Variants in POLRMT observed in about 807,000 individuals in gnomAD.
POLRMT encodes DNA-directed RNA polymerase, mitochondrial.
In POLRMT, 114 loss-of-function variants were observed where a neutral mutation model predicts 132.2. The observed-to-expected ratio is 0.86, with a 90% CI of 0.74 to 1.01. The LOEUF (loss-of-function observed/expected upper bound fraction) is 1.01. Ranked by LOEUF, POLRMT falls within the 50% of genes least tolerant of loss-of-function variation. POLRMT has a pLI of 0.00. For missense variants in POLRMT, 2,003 were observed against 1,729.1 expected, an observed-to-expected ratio of 1.16 and a Z score of -2.81; for synonymous variants, 1,020 against 773.4, an observed-to-expected ratio of 1.32 and a Z score of -5.29.
intron 6 of POLRMT, among the ~76,000 whole-genome samples, chr19:623,187 G>A (rs988814555): frequency 6.6e-6 from 1 of 152,250 alleles, no homozygotes; most frequent in African/African-American, 2.4e-5. Flanking sequence ...CCCAGCTGCA[G>A]TGTGCGCAGA....
At chr19:625,095 G>C (rs764658786) in intron 4 of POLRMT, 29 bp downstream of exon 4, 2 of 1,603,324 alleles carry the variant, frequency 1.2e-6, no homozygotes, top group Non-Finnish European at 8.5e-7. Context: ...GACATGGTGG[G>C]GGGTGGGGGC....
chr19:618,178 G>A (rs62132650), intron 17 of POLRMT: 40,938 of 545,570 alleles, frequency 0.075, 1,814 homozygotes, highest in Non-Finnish European at 0.091. Context: ...TCCCGTGGCC[G>A]GTAGATTCTG....
At position 633,503 on chromosome 19, in the gene POLRMT, G is replaced by C. The variant is rs748400574; in HGVS notation, c.10C>G (p.Leu4Val). Residue 4 changes from leucine (L) to valine (V), a missense_variant, in exon 1 of 21, where the codon CTT becomes GTT. By Grantham distance (32) the Leu-to-Val change is conservative (BLOSUM62 1). Transcript: ENST00000588649. The stretch of plus-strand genomic sequence containing the variant: ...CCCGCCGCTCCGCGGCCCCAGCAAA[G>C]TGCCGACATTACGCACGCCGCTCCA... The part of the protein sequence containing the change: MSA[L>V]CWGRGAAGLK... The C allele has an allele frequency of 8.0e-6, 12 of 1,495,122 alleles. No homozygotes were observed. Among genetic ancestry groups the C allele is most frequent in the Non-Finnish European group, 1.1e-5 (12 of 1,111,764 alleles). The allele number at this position is 1,495,122 out of a possible 1,614,324, so 92.6% of individuals were successfully genotyped here.
chr19:633,196 A>G, intron 1 of POLRMT: 1 of 594,586 alleles, frequency 1.7e-6, no homozygotes, highest in Non-Finnish European at 2.7e-6. Flanking sequence ...CCTAAACACC[A>G]CACCTGGGGT....
Position 620,094 on chromosome 19 carries a change from GGCAAACGGGAGATGGAA to G in POLRMT, c.2764-31_2764-15del. On this transcript the variant is annotated splice_polypyrimidine_tract_variant and intron_variant, in intron 11 of 20. Transcript: ENST00000588649. Reference sequence around the variant, plus strand: ...GCAAGAGCCGTCCTGAGGAAGGGGCGGCAAACGGGAGATGGAAGCTAGAGAGGCAGAGACGTGTGGGA... The same window carrying G: ...GCAAGAGCCGTCCTGAGGAAGGGGCGGCTAGAGAGGCAGAGACGTGTGGGA... 6.5e-7 allele frequency: 1 copy of G among 1,536,644 alleles called. No homozygotes were observed. The highest frequency in any genetic ancestry group is 8.7e-7 in the Non-Finnish European group (1 of 1,145,916).
At position 621,116 on chromosome 19, in the gene POLRMT, A is replaced by C. The variant is rs1984541281; in HGVS notation, c.2582T>G (p.Leu861Arg). The C allele has an allele frequency of 6.2e-7, 1 of 1,610,054 alleles. No individual in the cohort carries two copies. Among genetic ancestry groups the C allele is most frequent in the Non-Finnish European group, 8.5e-7 (1 of 1,178,612 alleles). ...ATCCATCACCTCCTCCGCAAAGGCCAGGCGCTTCCGCAGCGGCTCCCGCTT... is the reference window on the plus strand; with the variant it reads ...ATCCATCACCTCCTCCGCAAAGGCCCGGCGCTTCCGCAGCGGCTCCCGCTT... ...LKKREPLRKR[L>R]AFAEEVMDDI... The change falls in exon 10 of 21, where the codon CTG (leucine) becomes CGG (arginine). Residue 861 changes from leucine (L) to arginine (R), a missense_variant. Leu to Arg is a moderately radical substitution (Grantham distance 102, BLOSUM62 -2). Transcript: ENST00000588649.
intron 4 of POLRMT, 93 bp downstream of exon 4, chr19:625,031 G>A: frequency 6.6e-7 from 1 of 1,523,648 alleles, no homozygotes; most frequent in Non-Finnish European, 8.8e-7. Flanking sequence ...AGGCCCTCTG[G>A]GGGTCCCCAG....
chr19:631,767 G>A (rs1985436848), intron 2 of POLRMT, among the ~76,000 whole-genome samples: 1 of 152,136 alleles, frequency 6.6e-6, no homozygotes, highest in South Asian at 2.1e-4. Flanking sequence ...TTTTGAGATG[G>A]AATTTCCCTC....
chr19:632,451 C>G (rs946447198), intron 2 of POLRMT, among the ~76,000 whole-genome samples: 1 of 152,106 alleles, frequency 6.6e-6, no homozygotes, highest in Non-Finnish European at 1.5e-5. Context: ...CCATTAGGCG[C>G]CTACCCCCCA....
Position 633,515 on chromosome 19 carries a change from C to G in POLRMT, c.-3G>C. Reference sequence around the variant, plus strand: ...CGGCCCCAGCAAAGTGCCGACATTACGCACGCCGCTCCAGGCCACCCCACC... The same window carrying G: ...CGGCCCCAGCAAAGTGCCGACATTAGGCACGCCGCTCCAGGCCACCCCACC... On this transcript the variant is annotated 5_prime_UTR_variant, in exon 1 of 21. Coordinates refer to ENST00000588649, the MANE Select transcript of POLRMT (RefSeq NM_005035.4). 1.1e-6 allele frequency: 1 copy of G among 895,464 alleles called. No homozygotes were observed. Among genetic ancestry groups the G allele is most frequent in the Admixed American group, 2.1e-5 (1 of 47,538 alleles). 55.5% of individuals were successfully genotyped at this position (895,464 alleles called of 1,614,324 possible).
chr19:624,623 G>C (rs563606092), intron 5 of POLRMT, 96 bp downstream of exon 5: 2 of 1,376,550 alleles, frequency 1.5e-6, no homozygotes, highest in African/African-American at 1.5e-5. Context: ...GTGAGCCCTG[G>C]GCACCGGGGA....
At position 621,437 on chromosome 19, in the gene POLRMT, C is replaced by T. The variant is rs745790013; in HGVS notation, c.2261G>A (p.Arg754His). Reference protein sequence around the residue: ...AHLPHSAAPARKAELRRELAH... With the variant: ...AHLPHSAAPAHKAELRRELAH... Reference sequence around the variant, plus strand: ...CAGCTCACGGCGCAGCTCGGCCTTGCGGGCGGGCGCGGCGCTGTGCGGCAG... The same window carrying T: ...CAGCTCACGGCGCAGCTCGGCCTTGTGGGCGGGCGCGGCGCTGTGCGGCAG... The change falls in exon 10 of 21, where the codon CGC becomes CAC. Residue 754 changes from arginine (R) to histidine (H), a missense_variant. Physicochemically the swap from Arg to His is conservative, Grantham distance 29. Transcript: ENST00000588649. 2.2e-5 allele frequency: 32 copies of T among 1,445,522 alleles called. No homozygotes were observed. Among genetic ancestry groups the T allele is most frequent in the Non-Finnish European group, 2.7e-5 (30 of 1,104,212 alleles). The allele number at this position is 1,445,522 out of a possible 1,614,324, so 89.5% of individuals were successfully genotyped here. A position where few individuals can be genotyped will look rare whatever the true frequency, so the allele number is the denominator to read the frequency against.
Position 622,562 on chromosome 19 carries a change from A to C in POLRMT, c.1626+20T>G, listed in dbSNP as rs1158082660. ...CCCACCACTGGCCCCAGCCAGGAGGAGAGGGGGTGCGAGCCTCACCTCGGC... is the reference window on the plus strand; with the variant it reads ...CCCACCACTGGCCCCAGCCAGGAGGCGAGGGGGTGCGAGCCTCACCTCGGC... On this transcript the variant is annotated intron_variant, in intron 8 of 20. Transcript: ENST00000588649. The C allele has an allele frequency of 1.9e-6, 3 of 1,583,968 alleles. No homozygotes were observed. Among genetic ancestry groups the C allele is most frequent in the African/African-American group, 2.7e-5 (2 of 74,582 alleles).
chr19:625,718 C>G (rs1212768067), intron 3 of POLRMT, among the ~76,000 whole-genome samples: 3 of 152,066 alleles, frequency 2.0e-5, no homozygotes, highest in Non-Finnish European at 2.9e-5. Context: ...TTTTTTCCCC[C>G]CAAGATGGAG....
chr19:619,312 A>G lies in POLRMT; in HGVS notation c.3067-16T>C. 6.2e-7 allele frequency: 1 copy of G among 1,607,796 alleles called. No homozygotes were observed. Among genetic ancestry groups the G allele is most frequent in the Non-Finnish European group, 8.5e-7 (1 of 1,178,528 alleles). On this transcript the variant is annotated splice_polypyrimidine_tract_variant and intron_variant, in intron 13 of 20. Coordinates refer to ENST00000588649, the MANE Select transcript of POLRMT (RefSeq NM_005035.4). ...ACACGAACTCCTGCAGAGGGCGGGC[A>G]GCAGGTGCAGGTCCTCAGGGGCTGG...
Position 629,917 on chromosome 19 carries a change from G to A in POLRMT, c.445C>T (p.Gln149Ter), listed in dbSNP as rs750698432. The stretch of plus-strand genomic sequence containing the variant: ...GTCAGCGCCTTGAACTCCCCGCTCT[G>A]GAATGGCATCTGCAGCTTCGCCTTC... ...RLKAKLQMPF[Q>*]SGEFKALTRR... The change falls in exon 3 of 21, where the codon CAG (glutamine) becomes TAG (stop). Residue 149 changes from glutamine (Q) to a stop codon, truncating the protein, a stop_gained. Coordinates refer to ENST00000588649, the MANE Select transcript of POLRMT (RefSeq NM_005035.4). LOFTEE classifies it high-confidence loss of function. 1.9e-6 allele frequency: 3 copies of A among 1,613,498 alleles called. No individual in the cohort carries two copies. The highest frequency in any genetic ancestry group is 2.5e-6 in the Non-Finnish European group (3 of 1,179,990).
At chr19:620,183 C>T (rs1984404920) in intron 11 of POLRMT, 103 bp from the exon 12 acceptor site, 1 of 1,489,350 alleles carries the variant, frequency 6.7e-7, no homozygotes, top group African/African-American at 1.4e-5. Flanking sequence ...CCGTGCACCC[C>T]CCAGCCAAGT....
Position 618,724 on chromosome 19 carries a change from G to A in POLRMT, c.3304C>T (p.His1102Tyr), listed in dbSNP as rs999144330. Reference protein sequence around the residue: ...GGGIQSITYTHNGDISRKPNT... With the variant: ...GGGIQSITYTYNGDISRKPNT... Reference sequence around the variant, plus strand: ...ACTCACCGGCTGATGTCTCCGTTGTGGGTGTAGGTGATGCTCTGAATTCCA... The same window carrying A: ...ACTCACCGGCTGATGTCTCCGTTGTAGGTGTAGGTGATGCTCTGAATTCCA... The change falls in exon 16 of 21, where the codon CAC (histidine) becomes TAC (tyrosine). Residue 1102 changes from histidine to tyrosine, a missense_variant. His to Tyr is a moderately conservative substitution (Grantham distance 83). Transcript: ENST00000588649. 1.0e-5 allele frequency: 16 copies of A among 1,607,426 alleles called. No individual in the cohort carries two copies. The highest frequency in any genetic ancestry group is 5.1e-5 in the Admixed American group (3 of 59,302).
intron 1 of POLRMT, 181 bp downstream of exon 1, chr19:633,244 A>C: frequency 1.3e-6 from 1 of 755,006 alleles, no homozygotes; most frequent in Non-Finnish European, 1.9e-6. Context: ...CAAAGGTCAG[A>C]CTGCACGGAG....
Sources: allele counts gnomAD v4.1 joint callset (sites outside exome capture counted in the v4.1 genomes callset), GRCh38; gene constraint gnomAD v4.1.1; transcripts MANE v1.5; gene names NCBI Gene and HGNC (gene_info 2026-07-23, HGNC 2026-07-21).